Variants in DEUP1 observed in about 807,000 individuals in gnomAD.
DEUP1 encodes deuterosome assembly protein 1.
Under a neutral mutation model 87.4 loss-of-function variants are expected in DEUP1, and 82 were observed. That is an observed-to-expected ratio of 0.94 (90% CI 0.78 to 1.13). The LOEUF (loss-of-function observed/expected upper bound fraction) is 1.13, where lower values mean the gene tolerates loss of function less well. Among genes scored for constraint, DEUP1 ranks in the 50% most tolerant of loss-of-function variants. The pLI is 0.00. For synonymous variants in DEUP1, 214 were observed against 222.7 expected (o/e 0.96, Z 0.35); for missense variants, 663 against 681.5 (o/e 0.97, Z 0.30).
chr11:93,409,938 C>T (rs1470053321), intron 12 of DEUP1, among the ~76,000 whole-genome samples: 2 of 152,098 alleles, frequency 1.3e-5, no homozygotes, highest in Non-Finnish European at 2.9e-5. Flanking sequence ...ATGGCTGAAT[C>T]TGACATAGCC....
At position 93,388,450 on chromosome 11, in the gene DEUP1, ATTATACTCT is replaced by A. The variant is rs200472334; in HGVS notation, c.936-562_936-554del. On this transcript the variant is annotated intron_variant, in intron 8 of 13. Coordinates refer to ENST00000298050, the MANE Select transcript of DEUP1 (RefSeq NM_181645.4). ...AGACATCTTCAAACCTCCTGTGGGT[ATTATACTCT>A]TTATACTAGTTTCTGCTTTTCTCCT... Among the ~76,000 whole-genome samples, 1,004 of 152,276 alleles carry A rather than the reference ATTATACTCT, an allele frequency of 6.6e-3. 38 individuals are homozygous for A. The highest frequency in any genetic ancestry group is 0.058 in the Admixed American group (880 of 15,274).
chr11:93,384,340 TA>T (rs1946437084), intron 7 of DEUP1, among the ~76,000 whole-genome samples: 1 of 152,236 alleles, frequency 6.6e-6, no homozygotes, highest in African/African-American at 2.4e-5. Context: ...GCCAGTCTCT[TA>T]ATATCCCCTT....
rs375762149 is a variant in DEUP1 at position 93,382,927 on chromosome 11, T to G, written c.790-2471T>G. 5.9e-5 allele frequency among the ~76,000 whole-genome samples: 9 copies of G among 152,336 alleles called. No individual in the cohort carries two copies. In the East Asian group the frequency reaches 1.2e-3, roughly 20 times the overall value. ...TCTATTAAGTCACCAATTTGAATCTTTTTATATTTATTTCCAAGGTGGCTG... is the reference window on the plus strand; with the variant it reads ...TCTATTAAGTCACCAATTTGAATCTGTTTATATTTATTTCCAAGGTGGCTG... On this transcript the variant is annotated intron_variant, in intron 7 of 13. Coordinates refer to ENST00000298050, the MANE Select transcript of DEUP1 (RefSeq NM_181645.4).
chr11:93,339,791 T>C (rs1943965798), intron 2 of DEUP1, among the ~76,000 whole-genome samples: 1 of 152,128 alleles, frequency 6.6e-6, no homozygotes, highest in African/African-American at 2.4e-5. Context: ...CAAGGTGGTA[T>C]CAGTGCAGAG....
intron 9 of DEUP1, among the ~76,000 whole-genome samples, chr11:93,394,172 T>G (rs761773075): frequency 6.6e-6 from 1 of 152,204 alleles, no homozygotes; most frequent in Non-Finnish European, 1.5e-5. Context: ...GATAATACTT[T>G]CTTTACCTTC....
chr11:93,354,575 G>T (rs1404963119), intron 2 of DEUP1, among the ~76,000 whole-genome samples: 1 of 152,092 alleles, frequency 6.6e-6, no homozygotes, highest in Non-Finnish European at 1.5e-5. Context: ...AGGTTTAATT[G>T]GACTTACAGT....
chr11:93,389,519 G>T (rs1946703114), intron 9 of DEUP1, among the ~76,000 whole-genome samples: 1 of 150,244 alleles, frequency 6.7e-6, no homozygotes, highest in Admixed American at 6.6e-5. Flanking sequence ...TCATAAGTTT[G>T]TGATGAGGAT....
chr11:93,369,101 G>A (rs957016681), intron 5 of DEUP1, among the ~76,000 whole-genome samples: 1 of 152,028 alleles, frequency 6.6e-6, no homozygotes, highest in Non-Finnish European at 1.5e-5. Flanking sequence ...CCTTCTCCTG[G>A]TTCACAGATA....
chr11:93,349,653 C>CT (rs1290377678), intron 2 of DEUP1, among the ~76,000 whole-genome samples: 10 of 149,540 alleles, frequency 6.7e-5, no homozygotes, highest in African/African-American at 2.0e-4. Flanking sequence ...CATAGTCATC[C>CT]TTTTTTTTTC....
intron 2 of DEUP1, among the ~76,000 whole-genome samples, chr11:93,334,870 T>C (rs902052608): frequency 1.3e-5 from 2 of 152,224 alleles, no homozygotes; most frequent in Non-Finnish European, 2.9e-5. Flanking sequence ...AAGTGATCCC[T>C]TTTATTGGCC....
intron 12 of DEUP1, among the ~76,000 whole-genome samples, chr11:93,413,880 T>C (rs1947521513): frequency 6.6e-6 from 1 of 152,168 alleles, no homozygotes; most frequent in Non-Finnish European, 1.5e-5. Context: ...AAAAAGTAAA[T>C]AATTAGACGA....
intron 12 of DEUP1, among the ~76,000 whole-genome samples, chr11:93,412,502 A>C (rs1279931441): frequency 6.6e-6 from 1 of 152,226 alleles, no homozygotes; most frequent in African/African-American, 2.4e-5. Flanking sequence ...TTACTTCATA[A>C]TGTCGTCTCT....
intron 7 of DEUP1, among the ~76,000 whole-genome samples, chr11:93,373,625 G>GTGTGTATATATATATATA (rs796309948): frequency 4.5e-5 from 3 of 66,998 alleles, no homozygotes; most frequent in African/African-American, 1.2e-4. Context: ...ATATATATAC[G>GTGTGTATATATATATATA]TATATATATA....
chr11:93,352,312 TA>T, intron 2 of DEUP1: 1 of 702,072 alleles, frequency 1.4e-6, no homozygotes, highest in South Asian at 1.5e-5. Flanking sequence ...GGCTGAAGTG[TA>T]AGACCTCAAT....
chr11:93,418,077 T>A (rs1342949738), intron 13 of DEUP1, among the ~76,000 whole-genome samples: 2 of 152,116 alleles, frequency 1.3e-5, no homozygotes, highest in Non-Finnish European at 2.9e-5. Context: ...CCATAAAAAC[T>A]GTAGAAGAAA....
chr11:93,435,527 G>A (rs1948217504), intron 13 of DEUP1, among the ~76,000 whole-genome samples: 1 of 152,164 alleles, frequency 6.6e-6, no homozygotes, highest in African/African-American at 2.4e-5. Context: ...TTAAGGGTCT[G>A]CAACACAGCT....
chr11:93,351,838 A>G (rs1944641971), intron 2 of DEUP1, among the ~76,000 whole-genome samples: 2 of 152,240 alleles, frequency 1.3e-5, no homozygotes, highest in Non-Finnish European at 2.9e-5. Flanking sequence ...AAGGAACATC[A>G]TCTTTTTGGG....
At chr11:93,365,920 A>T (rs1945393088) in intron 5 of DEUP1, among the ~76,000 whole-genome samples, 1 of 152,234 alleles carries the variant, frequency 6.6e-6, no homozygotes, top group Non-Finnish European at 1.5e-5. Context: ...GCAGTGTACC[A>T]CATGTAGTAG....
At chr11:93,344,580 C>A (rs189583335) in intron 2 of DEUP1, among the ~76,000 whole-genome samples, 1 of 152,080 alleles carries the variant, frequency 6.6e-6, no homozygotes, top group East Asian at 1.9e-4. Context: ...ACGCTCCACA[C>A]CCATTTCTAT....
Sources: gnomAD v4.1 joint callset for allele counts (sites outside exome capture counted in the v4.1 genomes callset) on GRCh38, gnomAD v4.1.1 for gene constraint, MANE v1.5 for transcripts, NCBI Gene and HGNC (gene_info 2026-07-23, HGNC 2026-07-21) for gene names.